NELL1: variants seen among roughly 807,000 people sequenced by gnomAD.
NELL1 encodes neural EGFL like 1, also known as protein kinase C-binding protein NELL1.
NELL1 carries 76 observed loss-of-function variants against 107.4 expected under a neutral mutation model. That is an observed-to-expected ratio of 0.71 (90% CI 0.59 to 0.86). NELL1 has a LOEUF of 0.86. Ranked by LOEUF, NELL1 falls within the 40% of genes least tolerant of loss-of-function variation. The pLI is 0.00. For missense variants in NELL1, 1,024 were observed against 1,005.5 expected (o/e 1.02, Z -0.25); for synonymous variants, 353 against 341.2 (o/e 1.03, Z -0.38).
intron 12 of NELL1, among the ~76,000 whole-genome samples, chr11:21,049,074 C>CA (rs1271909980): frequency 1.3e-5 from 2 of 152,184 alleles, no homozygotes; most frequent in East Asian, 3.9e-4. Flanking sequence ...AGCTCTGATG[C>CA]TGGTATGGCT....
chr11:21,135,937 C>A (rs1290306680), intron 13 of NELL1, among the ~76,000 whole-genome samples: 3 of 152,028 alleles, frequency 2.0e-5, no homozygotes, highest in Non-Finnish European at 4.4e-5. Flanking sequence ...GCACGTGAGC[C>A]CCCAGGATTT....
intron 3 of NELL1, among the ~76,000 whole-genome samples, chr11:20,818,806 A>C (rs538758889): frequency 6.6e-6 from 1 of 152,294 alleles, no homozygotes; most frequent in East Asian, 1.9e-4. Context: ...GGGAAGCATG[A>C]CTCTCTTTCT....
intron 2 of NELL1, among the ~76,000 whole-genome samples, chr11:20,781,582 A>G (rs1856850886): frequency 6.6e-6 from 1 of 152,208 alleles, no homozygotes; most frequent in South Asian, 2.1e-4. Context: ...CAAGCTTTAC[A>G]ATCCTGAAAT....
intron 14 of NELL1, among the ~76,000 whole-genome samples, chr11:21,230,877 ATCAATT>A (rs1281856966): frequency 2.6e-5 from 4 of 152,164 alleles, no homozygotes; most frequent in Admixed American, 2.0e-4. Flanking sequence ...TACTGATTCC[ATCAATT>A]TTACCTCTTG....
At chr11:21,068,251 G>A (rs1448225308) in intron 12 of NELL1, among the ~76,000 whole-genome samples, 3 of 151,918 alleles carry the variant, frequency 2.0e-5, no homozygotes, top group Non-Finnish European at 4.4e-5. Context: ...TTTCTGGAGT[G>A]CATATCATGT....
chr11:21,021,760 C>T (rs1852707040), intron 12 of NELL1, among the ~76,000 whole-genome samples: 1 of 152,044 alleles, frequency 6.6e-6, no homozygotes, highest in Non-Finnish European at 1.5e-5. Context: ...TGTTCCATTT[C>T]TCTTGAATTC....
At chr11:20,948,033 A>G (rs1398834908) in intron 11 of NELL1, among the ~76,000 whole-genome samples, 1 of 151,854 alleles carries the variant, frequency 6.6e-6, no homozygotes, top group East Asian at 1.9e-4. Context: ...CTTTATTTAA[A>G]TTTTTATTTA....
intron 2 of NELL1, among the ~76,000 whole-genome samples, chr11:20,699,846 G>A (rs915734869): frequency 1.3e-5 from 2 of 152,072 alleles, no homozygotes; most frequent in South Asian, 2.1e-4. Context: ...GTTCTTTAAG[G>A]AATCTCCATA....
At chr11:21,343,627 CT>C (rs1850623482) in intron 14 of NELL1, among the ~76,000 whole-genome samples, 1 of 152,126 alleles carries the variant, frequency 6.6e-6, no homozygotes, top group South Asian at 2.1e-4. Flanking sequence ...GATATTTTAG[CT>C]TTGTGTAGCA....
At chr11:21,309,063 C>T (rs1332439750) in intron 14 of NELL1, among the ~76,000 whole-genome samples, 1 of 151,320 alleles carries the variant, frequency 6.6e-6, no homozygotes, top group Non-Finnish European at 1.5e-5. Context: ...CATATGCTTT[C>T]ATTTAAGTTT....
chr11:21,035,362 C>A (rs1316023398), intron 12 of NELL1, among the ~76,000 whole-genome samples: 4 of 151,798 alleles, frequency 2.6e-5, no homozygotes, highest in African/African-American at 7.3e-5. Context: ...GGACTCTTCT[C>A]TAACATGCTA....
intron 15 of NELL1, among the ~76,000 whole-genome samples, chr11:21,385,422 G>A (rs1851721091): frequency 6.6e-6 from 1 of 151,852 alleles, no homozygotes; most frequent in Non-Finnish European, 1.5e-5. Flanking sequence ...TCAATCACAT[G>A]CCTGCATTCC....
In NELL1 at chr11:21,284,679, A is replaced by C. The variant is rs1241199910; in HGVS notation, c.1549+55225A>C. On this transcript the variant is annotated intron_variant, in intron 14 of 19. Coordinates refer to ENST00000357134, the MANE Select transcript of NELL1 (RefSeq NM_006157.5). ...TGGGGCAGGCCTTGTGCCTGGAGCC[A>C]ACTATGTCTATATGTATGCAGTGTT... 4 of 377,554 alleles carry C rather than the reference A, an allele frequency of 1.1e-5. No individual in the cohort carries two copies. The Admixed American group carries it at 1.2e-4, about 12-fold the overall frequency. The allele number at this position is 377,554 out of a possible 1,614,324, so 23.4% of individuals were successfully genotyped here.
At chr11:20,941,571 G>A (rs1017619341) in intron 10 of NELL1, among the ~76,000 whole-genome samples, 3 of 151,980 alleles carry the variant, frequency 2.0e-5, no homozygotes, top group East Asian at 3.9e-4. Flanking sequence ...GCAACATAAC[G>A]GAAGACAATT....
chr11:20,808,807 T>C (rs189871006), intron 3 of NELL1, among the ~76,000 whole-genome samples: 13 of 152,290 alleles, frequency 8.5e-5, no homozygotes, highest in Non-Finnish European at 8.8e-5. Flanking sequence ...CCCACAATCA[T>C]TGTACTCCCT....
intron 13 of NELL1, among the ~76,000 whole-genome samples, chr11:21,167,998 A>G (rs1856522223): frequency 6.6e-6 from 1 of 151,748 alleles, no homozygotes; most frequent in East Asian, 1.9e-4. Flanking sequence ...TTGCTCATTG[A>G]CTTGCACATT....
chr11:21,126,610 C>G (rs1033873582), intron 13 of NELL1, among the ~76,000 whole-genome samples: 1 of 152,140 alleles, frequency 6.6e-6, no homozygotes, highest in Non-Finnish European at 1.5e-5. Flanking sequence ...ATGACTGAGT[C>G]CTAGGTGGTA....
chr11:21,065,623 G>C (rs570849912), intron 12 of NELL1, among the ~76,000 whole-genome samples: 1 of 152,178 alleles, frequency 6.6e-6, no homozygotes, highest in Non-Finnish European at 1.5e-5. Flanking sequence ...TCTAGTCCTA[G>C]CTATATTACA....
At chr11:21,487,509 G>A (rs933808838) in intron 15 of NELL1, among the ~76,000 whole-genome samples, 14 of 151,948 alleles carry the variant, frequency 9.2e-5, no homozygotes, top group African/African-American at 3.4e-4. Flanking sequence ...TCATAAAACT[G>A]TAATACTGAC....
Sources: allele counts gnomAD v4.1 joint callset (sites outside exome capture counted in the v4.1 genomes callset), GRCh38; gene constraint gnomAD v4.1.1; transcripts MANE v1.5; gene names NCBI Gene and HGNC (gene_info 2026-07-23, HGNC 2026-07-21).